The following PPP2R2A variants were observed in gnomAD, a reference collection of about 807,000 sequenced individuals.
PPP2R2A encodes serine/threonine-protein phosphatase 2A 55 kDa regulatory subunit B alpha isoform.
A neutral mutation model predicts 53.2 loss-of-function variants in PPP2R2A; 9 were observed. The observed-to-expected ratio is 0.17, with a 90% CI of 0.10 to 0.30. The LOEUF (loss-of-function observed/expected upper bound fraction) is 0.30, where lower values mean the gene tolerates loss of function less well. Ranked by LOEUF, PPP2R2A falls within the 10% of genes least tolerant of loss-of-function variation. PPP2R2A has a pLI of 1.00. For synonymous variants in PPP2R2A, 169 were observed against 174.2 expected, an observed-to-expected ratio of 0.97 and a Z score of 0.23; for missense variants, 235 against 534.6, an observed-to-expected ratio of 0.44 and a Z score of 5.53.
intron 2 of PPP2R2A, among the ~76,000 whole-genome samples, chr8:26,325,894 C>T (rs1374455236): frequency 1.3e-5 from 2 of 152,072 alleles, no homozygotes; most frequent in African/African-American, 2.4e-5. Flanking sequence ...AGTGTGGTGG[C>T]GTGAGATCTT....
At chr8:26,291,887 C>T (rs1159677746) in intron 1 of PPP2R2A, 61 bp downstream of exon 1, 1 of 1,597,834 alleles carries the variant, frequency 6.3e-7, no homozygotes, top group East Asian at 2.3e-5. Flanking sequence ...CTCCCTCCAT[C>T]ACCCCCTAGC....
chr8:26,348,270 T>C (rs781676356), intron 3 of PPP2R2A, among the ~76,000 whole-genome samples: 11 of 152,200 alleles, frequency 7.2e-5, no homozygotes, highest in Non-Finnish European at 1.2e-4. Context: ...AAGTAAATAT[T>C]TCCTACATTT....
chr8:26,325,503 A>G (rs188096686), intron 2 of PPP2R2A, among the ~76,000 whole-genome samples: 1 of 152,254 alleles, frequency 6.6e-6, no homozygotes, highest in African/African-American at 2.4e-5. Context: ...GGACTAATAC[A>G]GTTGTATTCC....
intron 3 of PPP2R2A, among the ~76,000 whole-genome samples, chr8:26,352,697 G>GA (rs1804582643): frequency 6.6e-6 from 1 of 152,186 alleles, no homozygotes; most frequent in Non-Finnish European, 1.5e-5. Flanking sequence ...GATTCTGTAA[G>GA]ATACCATGTT....
rs544295693 is a variant in PPP2R2A at position 26,299,106 on chromosome 8, T to C, written c.82+5366T>C. 2.0e-5 allele frequency among the ~76,000 whole-genome samples: 3 copies of C among 152,270 alleles called. No individual in the cohort carries two copies. The East Asian group carries it at 5.8e-4, about 29-fold the overall frequency. On this transcript the variant is annotated intron_variant, in intron 2 of 9. Coordinates refer to ENST00000380737, the MANE Select transcript of PPP2R2A (RefSeq NM_002717.4). ...CTGGACAACATAGTGAGACCTTTTC[T>C]CTACAAAAATTAAAAATATTAGCAG...
chr8:26,372,334 C>CTGGA lies in PPP2R2A; in HGVS notation c.*1921_*1922insTGGA. 1 of 152,112 alleles carries CTGGA rather than the reference C, an allele frequency of 6.6e-6. No homozygotes were observed. Among genetic ancestry groups the CTGGA allele is most frequent in the Non-Finnish European group, 1.5e-5 (1 of 68,028 alleles). 9.4% of individuals were successfully genotyped at this position (152,112 alleles called of 1,614,324 possible). A position where few individuals can be genotyped will look rare whatever the true frequency, so the allele number is the denominator to read the frequency against. On this transcript the variant is annotated 3_prime_UTR_variant, in exon 10 of 10. Transcript: ENST00000380737. ...ACAAGTGTCAAACAGTGATATTCTT[C>CTGGA]CTGTGTTGTGACTGGACAGTTTTCC...
At chr8:26,332,802 CAG>C (rs1310035626) in intron 2 of PPP2R2A, among the ~76,000 whole-genome samples, 1 of 152,166 alleles carries the variant, frequency 6.6e-6, no homozygotes, top group African/African-American at 2.4e-5. Flanking sequence ...TTACTAAACA[CAG>C]ACATTTTGAC....
intron 1 of PPP2R2A, chr8:26,293,181 G>T (rs1801384516): frequency 1.3e-6 from 2 of 1,483,858 alleles, no homozygotes; most frequent in Non-Finnish European, 9.1e-7. Context: ...AATGGGTGTA[G>T]TGTTTGCTGT....
In PPP2R2A at chr8:26,370,862, G is replaced by A. The variant is rs1473259346; in HGVS notation, c.*449G>A. The A allele has an allele frequency of 6.0e-6, 1 of 165,804 alleles. No individual in the cohort carries two copies. Among genetic ancestry groups the A allele is most frequent in the Non-Finnish European group, 1.3e-5 (1 of 75,672 alleles). The allele number at this position is 165,804 out of a possible 1,614,324, so 10.3% of individuals were successfully genotyped here. On this transcript the variant is annotated 3_prime_UTR_variant, in exon 10 of 10. Transcript: ENST00000380737. This position sits in a 1 kb window ranked among gnomAD's most constrained non-coding sequence, Gnocchi z 6.1. ...TTAAATACAGCTCATTCTTACTGTG[G>A]CTTGTAGCATTCCTCCTCTTCTGGC...
At chr8:26,327,997 C>G (rs1227276963) in intron 2 of PPP2R2A, among the ~76,000 whole-genome samples, 3 of 152,150 alleles carry the variant, frequency 2.0e-5, no homozygotes, top group Admixed American at 2.0e-4. Context: ...ATCTATAGTA[C>G]CAGCTGTGTT....
At chr8:26,353,990 G>A (rs1435137958) in intron 3 of PPP2R2A, among the ~76,000 whole-genome samples, 3 of 152,050 alleles carry the variant, frequency 2.0e-5, no homozygotes, top group African/African-American at 4.8e-5. Flanking sequence ...ACCAAAAGGC[G>A]GGCAGCAGAA....
Position 26,362,374 on chromosome 8 carries a change from G to A in PPP2R2A, c.638-310G>A, listed in dbSNP as rs1805151877. Among the ~76,000 whole-genome samples, 1 of 151,528 alleles carries A rather than the reference G, an allele frequency of 6.6e-6. No homozygotes were observed. On this transcript the variant is annotated intron_variant, in intron 6 of 9. Coordinates refer to ENST00000380737, the MANE Select transcript of PPP2R2A (RefSeq NM_002717.4). This position sits in a 1 kb window ranked among gnomAD's most constrained non-coding sequence, Gnocchi z 4.4. ...AAAAAAATTAGTCAGTTGTAGTGGT[G>A]TGCGCCTGTAATCCCAGCTTTTCTG...
At chr8:26,293,499 C>A in intron 1 of PPP2R2A, 167 bp from the exon 2 acceptor site, 1 of 704,826 alleles carries the variant, frequency 1.4e-6, no homozygotes, top group South Asian at 2.0e-5. Flanking sequence ...AATGCAGTAC[C>A]AAGTATTGGG....
At chr8:26,291,921 C>A in intron 1 of PPP2R2A, 95 bp downstream of exon 1, 1 of 1,537,072 alleles carries the variant, frequency 6.5e-7, no homozygotes. Context: ...TCGCGCAGAG[C>A]CACAGGGCGC....
At chr8:26,325,576 G>C (rs893561907) in intron 2 of PPP2R2A, among the ~76,000 whole-genome samples, 2 of 152,120 alleles carry the variant, frequency 1.3e-5, no homozygotes, top group African/African-American at 4.8e-5. Flanking sequence ...AATGATATTA[G>C]GTGCATTCAG....
At chr8:26,307,249 A>G (rs753063992) in intron 2 of PPP2R2A, among the ~76,000 whole-genome samples, 52 of 152,222 alleles carry the variant, frequency 3.4e-4, no homozygotes, top group Non-Finnish European at 1.5e-4. Context: ...AAAATCTATA[A>G]TATCTAAGAT....
chr8:26,314,642 G>T (rs1211338413), intron 2 of PPP2R2A, among the ~76,000 whole-genome samples: 4 of 152,144 alleles, frequency 2.6e-5, no homozygotes. Flanking sequence ...TTTGGGAGGT[G>T]TTTCTTTTGT....
chr8:26,298,311 C>A (rs1388840254), intron 2 of PPP2R2A, among the ~76,000 whole-genome samples: 1 of 152,172 alleles, frequency 6.6e-6, no homozygotes, highest in Non-Finnish European at 1.5e-5. Flanking sequence ...AATCCCTAGT[C>A]CATCTCCTAA....
chr8:26,359,277 C>T (rs1214437299), intron 4 of PPP2R2A, among the ~76,000 whole-genome samples: 1 of 152,226 alleles, frequency 6.6e-6, no homozygotes, highest in Non-Finnish European at 1.5e-5. Flanking sequence ...TGACTAAATG[C>T]AGTGTTGTTT....
Sources: allele counts gnomAD v4.1 joint callset (sites outside exome capture counted in the v4.1 genomes callset), GRCh38; gene constraint gnomAD v4.1.1; non-coding constraint Gnocchi (gnomAD v3.1); transcripts MANE v1.5; gene names NCBI Gene and HGNC (gene_info 2026-07-23, HGNC 2026-07-21).